LMTK3: variants seen among roughly 807,000 people sequenced by gnomAD.
LMTK3 encodes lemur tail kinase 3.
LMTK3 carries 27 observed loss-of-function variants against 116.7 expected under a neutral mutation model. The observed-to-expected ratio is 0.23, with a 90% CI of 0.17 to 0.32. The LOEUF is 0.32. Ranked by LOEUF, LMTK3 falls within the 10% of genes least tolerant of loss-of-function variation. The pLI, the probability that LMTK3 is intolerant of heterozygous loss-of-function variation, is 1.00. For missense variants in LMTK3, 1,764 were observed against 2,068.5 expected, an observed-to-expected ratio of 0.85 and a Z score of 2.86; for synonymous variants, 965 against 971.0, an observed-to-expected ratio of 0.99 and a Z score of 0.11.
Position 48,502,504 on chromosome 19 carries a change from C to G in LMTK3, c.723G>C (p.Arg241=). ...TCTCCAGGCCCATCCTCTGCAGCGT[C>G]CGCAGGTCTCGAGGGGGTAGCTCAG... is the stretch of plus-strand genomic sequence containing the variant. ...LSPELPPRDL[R]TLQRMGLEIA... is the part of the protein sequence containing the mutation. The change falls in exon 7 of 15, where the codon CGG becomes CGC. Residue 241 remains arginine (R), a synonymous_variant. Transcript: ENST00000600059. The G allele has an allele frequency of 6.2e-7, 1 of 1,609,822 alleles. No individual in the cohort carries two copies. Among genetic ancestry groups the G allele is most frequent in the Non-Finnish European group, 8.5e-7 (1 of 1,178,458 alleles).
chr19:48,500,581 A>C lies in LMTK3; in HGVS notation c.1151+415T>G, dbSNP rs1479312797. Among the ~76,000 whole-genome samples, 4 of 152,226 alleles carry C rather than the reference A, an allele frequency of 2.6e-5. No individual in the cohort carries two copies. The highest frequency in any genetic ancestry group is 9.6e-5 in the African/African-American group (4 of 41,542). On this transcript the variant is annotated intron_variant, in intron 10 of 14. Transcript: ENST00000600059. This position sits in a 1 kb window ranked among gnomAD's most constrained non-coding sequence, Gnocchi z 4.0. ...GGGACAGCAGACGGTAGAGATTCAG[A>C]GGAGGTAACTGGGCTGGGGAGCTGG... is the stretch of plus-strand genomic sequence containing the variant.
Position 48,500,587 on chromosome 19 carries a change from T to G in LMTK3, c.1151+409A>C, listed in dbSNP as rs553942651. On this transcript the variant is annotated intron_variant, in intron 10 of 14. Coordinates refer to ENST00000600059, the MANE Select transcript of LMTK3 (RefSeq NM_001388485.1). The surrounding 1 kb of genome is among the most constrained non-coding windows in gnomAD (Gnocchi z 4.0). ...GCAGACGGTAGAGATTCAGAGGAGG[T>G]AACTGGGCTGGGGAGCTGGGTATTG... is the stretch of plus-strand genomic sequence containing the variant. Among the ~76,000 whole-genome samples, 4 of 150,834 alleles carry G rather than the reference T, an allele frequency of 2.7e-5. No individual in the cohort carries two copies. Among genetic ancestry groups the G allele is most frequent in the African/African-American group, 9.8e-5 (4 of 40,910 alleles).
intron 9 of LMTK3, 42 bp downstream of exon 9, chr19:48,501,240 AC>A (rs746114098): frequency 6.2e-7 from 1 of 1,608,998 alleles, no homozygotes. Context: ...TAACCCTTCC[AC>A]CTTCCTGGCC....
chr19:48,502,312 TTCGTCCC>T, intron 7 of LMTK3, 114 bp downstream of exon 7: 5 of 1,207,930 alleles, frequency 4.1e-6, no homozygotes, highest in Non-Finnish European at 4.6e-6. Flanking sequence ...CCCTCCTCGG[TTCGTCCC>T]TATTTTGTGT....
chr19:48,510,178 G>A lies in LMTK3; in HGVS notation c.211-5C>T, dbSNP rs777897485. On this transcript the variant is annotated splice_polypyrimidine_tract_variant and splice_region_variant and intron_variant, in intron 2 of 14. Transcript: ENST00000600059. Reference sequence around the variant, plus strand: ...CCCTTCAGGGTTCTCAAATTCCTGGGGCCAGGAGAGGAGAAGAGGGGTGGG... The same window carrying A: ...CCCTTCAGGGTTCTCAAATTCCTGGAGCCAGGAGAGGAGAAGAGGGGTGGG... The A allele has an allele frequency of 1.9e-6, 3 of 1,609,198 alleles. No individual in the cohort carries two copies. The highest frequency in any genetic ancestry group is 2.2e-5 in the East Asian group (1 of 44,732).
chr19:48,507,348 T>C (rs1173953099), intron 5 of LMTK3, among the ~76,000 whole-genome samples: 2 of 152,196 alleles, frequency 1.3e-5, no homozygotes, highest in African/African-American at 4.8e-5. Context: ...TGGGATTTGA[T>C]CTCAGGTCTG....
At chr19:48,487,098 G>A (rs961041732) in intron 14 of LMTK3, among the ~76,000 whole-genome samples, 3 of 145,366 alleles carry the variant, frequency 2.1e-5, no homozygotes, top group African/African-American at 7.7e-5. Flanking sequence ...ACAGTGGCAC[G>A]ATCTTGGCTC....
Position 48,497,776 on chromosome 19 carries a change from GC to G in LMTK3, c.3292del (p.Ala1098ArgfsTer41), listed in dbSNP as rs1569102470. Reference sequence around the variant, plus strand: ...CCTCCCAGCCCCTGGGGCTCTCGGCGCCCCCCCAGTCTCGGGGGCTCTCCTC... The same window carrying G: ...CCTCCCAGCCCCTGGGGCTCTCGGCGCCCCCCAGTCTCGGGGGCTCTCCTC... The part of the protein sequence containing the change: ...TERRAPETGG[A>X]PRAPGAGRLD... On this transcript the variant is annotated frameshift_variant, in exon 11 of 15. Transcript: ENST00000600059. LOFTEE classifies it high-confidence loss of function. The surrounding 1 kb of genome is among the most constrained non-coding windows in gnomAD (Gnocchi z 5.7). 5.9e-6 allele frequency: 8 copies of G among 1,355,468 alleles called. No individual in the cohort carries two copies. Among genetic ancestry groups the G allele is most frequent in the South Asian group, 3.8e-5 (2 of 53,086 alleles). The allele number at this position is 1,355,468 out of a possible 1,614,324, so 84.0% of individuals were successfully genotyped here.
intron 5 of LMTK3, among the ~76,000 whole-genome samples, chr19:48,505,734 G>A (rs773874549): frequency 6.6e-6 from 1 of 151,636 alleles, no homozygotes; most frequent in Non-Finnish European, 1.5e-5. Flanking sequence ...GGTGGCACAT[G>A]CCTGTAATCC....
At chr19:48,505,633 G>A (rs1021989522) in intron 5 of LMTK3, among the ~76,000 whole-genome samples, 1 of 152,112 alleles carries the variant, frequency 6.6e-6, no homozygotes, top group African/African-American at 2.4e-5. Context: ...AGGCCGAGAT[G>A]GGTGGATCAC....
At chr19:48,504,708 C>T (rs566969735) in intron 5 of LMTK3, among the ~76,000 whole-genome samples, 2 of 152,128 alleles carry the variant, frequency 1.3e-5, no homozygotes, top group Non-Finnish European at 2.9e-5. Context: ...CTACCACACT[C>T]GGCTAATTTT....
chr19:48,488,025 C>T (rs1455451890), intron 14 of LMTK3, among the ~76,000 whole-genome samples: 3 of 152,116 alleles, frequency 2.0e-5, no homozygotes, highest in African/African-American at 7.2e-5. Flanking sequence ...AGCTCGCAGC[C>T]CACGCTGCCG....
In LMTK3 at chr19:48,503,204, C is replaced by G. The variant is rs376188138; in HGVS notation, c.558-208G>C. Among the ~76,000 whole-genome samples, 7 of 152,342 alleles carry G rather than the reference C, an allele frequency of 4.6e-5. No individual in the cohort carries two copies. In the South Asian group the frequency reaches 1.4e-3, roughly 32 times the overall value. ...CCAGGATTACAGGCATGCGCCACCA[C>G]GCCTGGCTAATTTTTGTATTTTTAG... On this transcript the variant is annotated intron_variant, in intron 5 of 14. Coordinates refer to ENST00000600059, the MANE Select transcript of LMTK3 (RefSeq NM_001388485.1).
intron 14 of LMTK3, among the ~76,000 whole-genome samples, chr19:48,490,755 G>A (rs1268270755): frequency 6.6e-6 from 1 of 152,164 alleles, no homozygotes; most frequent in South Asian, 2.1e-4. Context: ...CCTGAGCACC[G>A]TGTTCCCCAA....
rs1169251657 is a variant in LMTK3, at chr19:48,498,359, T to G, written c.2710A>C (p.Asn904His). 1.2e-6 allele frequency: 2 copies of G among 1,612,956 alleles called. No individual in the cohort carries two copies. Among genetic ancestry groups the G allele is most frequent in the Non-Finnish European group, 1.7e-6 (2 of 1,179,770 alleles). Residue 904 changes from asparagine to histidine, a missense_variant, in exon 11 of 15, where the codon AAC (asparagine) becomes CAC (histidine). Asn to His is a moderately conservative substitution (Grantham distance 68, BLOSUM62 1). Coordinates refer to ENST00000600059, the MANE Select transcript of LMTK3 (RefSeq NM_001388485.1). ...PGNREKVPGLNRDPTVLGNGK... is the reference protein window; with the variant it reads ...PGNREKVPGLHRDPTVLGNGK... ...TTGCCCAGGACTGTCGGGTCCCTGT[T>G]CAGGCCCGGGACTTTCTCTCTGTTC...
At chr19:48,509,943 A>T (rs1367410109) in intron 3 of LMTK3, 80 bp downstream of exon 3, 1 of 1,529,130 alleles carries the variant, frequency 6.5e-7, no homozygotes, top group Non-Finnish European at 8.9e-7. Context: ...CAACCGCCCC[A>T]GCCCCTGAAG....
At position 48,498,343 on chromosome 19, in the gene LMTK3, A is replaced by G. The variant is rs61745738; in HGVS notation, c.2726T>C (p.Val909Ala). Residue 909 changes from valine to alanine, a missense_variant, in exon 11 of 15, where the codon GTC (valine) becomes GCC (alanine). Transcript: ENST00000600059. ...KVPGLNRDPT[V>A]LGNGKQAPSL... ...TGGGGCTTGTTTCCCGTTGCCCAGG[A>G]CTGTCGGGTCCCTGTTCAGGCCCGG... The G allele has an allele frequency of 0.056, 90,646 of 1,612,608 alleles. 4,120 individuals carry two copies. The highest frequency in any genetic ancestry group is 0.22 in the African/African-American group (16,285 of 74,786).
At chr19:48,513,477 A>C, upstream of LMTK3, 1 of 394,278 alleles carries the variant, frequency 2.5e-6, no homozygotes, top group Non-Finnish European at 4.6e-6. This position sits in a 1 kb window ranked among gnomAD's most constrained non-coding sequence, Gnocchi z 5.6. Context: ...ACACACATAC[A>C]TCACGTGCCA....
intron 4 of LMTK3, 136 bp downstream of exon 4, chr19:48,509,301 G>C (rs1030231888): frequency 4.5e-5 from 34 of 751,500 alleles, no homozygotes; most frequent in South Asian, 8.3e-5. Flanking sequence ...GTGGACGGAG[G>C]GGGGATGGGA....
Sources: allele counts gnomAD v4.1 joint callset (sites outside exome capture counted in the v4.1 genomes callset), GRCh38; gene constraint gnomAD v4.1.1; non-coding constraint Gnocchi (gnomAD v3.1); transcripts MANE v1.5; gene names NCBI Gene and HGNC (gene_info 2026-07-23, HGNC 2026-07-21).